Variants in CNTN4 observed in about 807,000 individuals in gnomAD.
CNTN4 encodes contactin 4.
CNTN4 carries 77 observed loss-of-function variants against 122.5 expected under a neutral mutation model. That is an observed-to-expected ratio of 0.63 (90% CI 0.52 to 0.76). The LOEUF (loss-of-function observed/expected upper bound fraction) is 0.76, where lower values mean the gene tolerates loss of function less well. Ranked by LOEUF, CNTN4 falls within the 30% of genes least tolerant of loss-of-function variation. The pLI, the probability that CNTN4 is intolerant of heterozygous loss-of-function variation, is 0.00. For synonymous variants in CNTN4, 512 were observed against 447.0 expected, an observed-to-expected ratio of 1.15 and a Z score of -1.83; for missense variants, 1,256 against 1,259.1, an observed-to-expected ratio of 1.00 and a Z score of 0.04.
intron 7 of CNTN4, among the ~76,000 whole-genome samples, chr3:2,830,371 A>G (rs1337271153): frequency 6.6e-6 from 1 of 152,234 alleles, no homozygotes; most frequent in Admixed American, 6.5e-5. Flanking sequence ...TAAGGGCCAA[A>G]CACATTAGTA....
chr3:2,823,588 T>G (rs1179161465), intron 7 of CNTN4, among the ~76,000 whole-genome samples: 1 of 152,200 alleles, frequency 6.6e-6, no homozygotes, highest in African/African-American at 2.4e-5. Flanking sequence ...TCCTTGGTGC[T>G]CCTTCCTATT....
At chr3:2,301,770 A>G (rs1442741136) in intron 2 of CNTN4, among the ~76,000 whole-genome samples, 1 of 152,250 alleles carries the variant, frequency 6.6e-6, no homozygotes, top group Non-Finnish European at 1.5e-5. Context: ...GACCGAATCC[A>G]CTTCGGACAG....
intron 2 of CNTN4, among the ~76,000 whole-genome samples, chr3:2,134,802 G>A (rs772355826): frequency 6.6e-6 from 1 of 152,154 alleles, no homozygotes; most frequent in Non-Finnish European, 1.5e-5. Context: ...CAGTCATGTG[G>A]GAGTTTTCTC....
At chr3:2,794,515 A>C (rs892751580) in intron 6 of CNTN4, among the ~76,000 whole-genome samples, 4 of 152,232 alleles carry the variant, frequency 2.6e-5, no homozygotes, top group African/African-American at 9.6e-5. Flanking sequence ...AACTGTTAAC[A>C]TAGCATAAGA....
chr3:2,994,323 T>A (rs962691395), intron 14 of CNTN4, among the ~76,000 whole-genome samples: 6 of 152,116 alleles, frequency 3.9e-5, no homozygotes, highest in African/African-American at 1.4e-4. Flanking sequence ...TTTAAATGTC[T>A]AAATTCAGTG....
intron 2 of CNTN4, among the ~76,000 whole-genome samples, chr3:2,147,987 C>G (rs893072400): frequency 1.3e-5 from 2 of 152,126 alleles, no homozygotes; most frequent in South Asian, 4.1e-4. Flanking sequence ...CTCTTTCACT[C>G]CCACACTACT....
chr3:2,117,568 T>A (rs543680096), intron 2 of CNTN4, among the ~76,000 whole-genome samples: 3 of 152,178 alleles, frequency 2.0e-5, no homozygotes, highest in African/African-American at 7.2e-5. Context: ...TCTAATTATA[T>A]CTTGGTCTTT....
In CNTN4 at chr3:2,254,135, C is replaced by T. The variant is rs543608566; in HGVS notation, c.-144-85043C>T. On this transcript the variant is annotated intron_variant, in intron 2 of 24. Transcript: ENST00000418658. ...ACTCCCACTTATGAGTGAGAACATG[C>T]GGTGTTGGGTTTTCTGTTCCTGTTT... 4.8e-4 allele frequency among the ~76,000 whole-genome samples: 71 copies of T among 147,850 alleles called. 2 individuals are homozygous for T. Among genetic ancestry groups the T allele is most frequent in the Middle Eastern group, 7.0e-3 (2 of 284 alleles).
chr3:2,974,708 G>A (rs1449195058), intron 13 of CNTN4, among the ~76,000 whole-genome samples: 3 of 152,154 alleles, frequency 2.0e-5, no homozygotes, highest in Non-Finnish European at 4.4e-5. Flanking sequence ...GCTGTTTTAG[G>A]GACAGGGAGA....
At chr3:2,369,548 TG>T (rs1328311024) in intron 3 of CNTN4, among the ~76,000 whole-genome samples, 1 of 152,138 alleles carries the variant, frequency 6.6e-6, no homozygotes, top group Non-Finnish European at 1.5e-5. Flanking sequence ...AAATCACAAA[TG>T]TTCCTAATTT....
rs2320380 is a variant in CNTN4 at position 2,191,707 on chromosome 3, T to A, written c.-145+91068T>A. On this transcript the variant is annotated intron_variant, in intron 2 of 24. Transcript: ENST00000418658. ...ACAAAATTCTATGTATATATATATA[T>A]ATACACACACACACACATACACACA... is the stretch of plus-strand genomic sequence containing the variant. 1.9e-3 allele frequency among the ~76,000 whole-genome samples: 273 copies of A among 140,390 alleles called. 2 individuals are homozygous for A. Among genetic ancestry groups the A allele is most frequent in the African/African-American group, 7.2e-3 (257 of 35,720 alleles). 92.1% of individuals were successfully genotyped at this position (140,390 alleles called of 152,430 possible).
chr3:2,891,229 C>T (rs552622245), intron 10 of CNTN4, among the ~76,000 whole-genome samples: 10 of 151,996 alleles, frequency 6.6e-5, no homozygotes, highest in South Asian at 2.1e-4. Flanking sequence ...TTTGGGAGGC[C>T]GAAGTGGGTG....
At chr3:2,149,476 C>T (rs2035399313) in intron 2 of CNTN4, among the ~76,000 whole-genome samples, 2 of 151,998 alleles carry the variant, frequency 1.3e-5, no homozygotes, top group South Asian at 4.2e-4. Flanking sequence ...TACTGCTGTC[C>T]CCTAAAAGCA....
chr3:2,374,083 C>T (rs934936296), intron 3 of CNTN4, among the ~76,000 whole-genome samples: 2 of 152,092 alleles, frequency 1.3e-5, no homozygotes, highest in African/African-American at 2.4e-5. Flanking sequence ...TATTTTAGAA[C>T]CCCTAAAGAA....
chr3:2,562,961 G>T (rs2079020452), intron 3 of CNTN4, among the ~76,000 whole-genome samples: 1 of 151,976 alleles, frequency 6.6e-6, no homozygotes, highest in Non-Finnish European at 1.5e-5. Flanking sequence ...GTCCTGGACT[G>T]AAACAGTCCT....
intron 2 of CNTN4, among the ~76,000 whole-genome samples, chr3:2,336,745 C>T (rs902209714): frequency 1.3e-5 from 2 of 152,094 alleles, no homozygotes; most frequent in South Asian, 2.1e-4. Context: ...TGTGGCTGCC[C>T]CTCACCTTTT....
intron 2 of CNTN4, among the ~76,000 whole-genome samples, chr3:2,162,971 C>A (rs1049447557): frequency 2.0e-5 from 3 of 152,030 alleles, no homozygotes; most frequent in African/African-American, 4.8e-5. Flanking sequence ...GTAGTGCACA[C>A]GTGTAGTCAC....
chr3:2,270,872 A>G (rs559132687), intron 2 of CNTN4, among the ~76,000 whole-genome samples: 2 of 152,170 alleles, frequency 1.3e-5, no homozygotes, highest in African/African-American at 2.4e-5. Flanking sequence ...ATGCAAATCA[A>G]TAATCATTAC....
chr3:2,898,582 TGCA>T (rs2094139705), intron 10 of CNTN4, among the ~76,000 whole-genome samples: 4 of 152,352 alleles, frequency 2.6e-5, no homozygotes, highest in African/African-American at 9.6e-5. Flanking sequence ...TCCAGCTTTC[TGCA>T]TTTTTGCAAA....
Sources: allele counts gnomAD v4.1 joint callset (sites outside exome capture counted in the v4.1 genomes callset), GRCh38; gene constraint gnomAD v4.1.1; transcripts MANE v1.5; gene names NCBI Gene and HGNC (gene_info 2026-07-23, HGNC 2026-07-21).